The following POU6F2 variants were observed in gnomAD, a reference collection of about 807,000 sequenced individuals.
POU6F2 encodes the protein POU class 6 homeobox 2, also known as POU domain, class 6, transcription factor 2.
A neutral mutation model predicts 71.3 loss-of-function variants in POU6F2; 31 were observed. That is an observed-to-expected ratio of 0.43 (90% confidence interval 0.33 to 0.59). The LOEUF is 0.59. POU6F2 is among the 20% of genes least tolerant of loss of function. POU6F2 has a pLI of 0.04. For synonymous variants in POU6F2, 347 were observed against 355.7 expected, an observed-to-expected ratio of 0.98 and a Z score of 0.27; for missense variants, 783 against 856.8, an observed-to-expected ratio of 0.91 and a Z score of 1.07.
intron 1 of POU6F2, among the ~76,000 whole-genome samples, chr7:39,082,718 C>A (rs1287694049): frequency 6.6e-6 from 1 of 151,334 alleles, no homozygotes; most frequent in Non-Finnish European, 1.5e-5. Context: ...TCAAATGGAC[C>A]CCCCAGTGGC....
At chr7:39,276,951 T>G (rs1475804211) in intron 4 of POU6F2, among the ~76,000 whole-genome samples, 1 of 151,592 alleles carries the variant, frequency 6.6e-6, no homozygotes, top group African/African-American at 2.4e-5. Context: ...TACCTAATGC[T>G]AAATGACGAG....
chr7:39,322,312 A>G (rs571997044), intron 4 of POU6F2, among the ~76,000 whole-genome samples: 106 of 152,316 alleles, frequency 7.0e-4, no homozygotes, highest in Non-Finnish European at 1.4e-3. Context: ...CTCACTCAAC[A>G]GGGCAACGTG....
intron 1 of POU6F2, among the ~76,000 whole-genome samples, chr7:38,979,089 C>A (rs1048927723): frequency 3.3e-5 from 5 of 151,930 alleles, no homozygotes; most frequent in African/African-American, 1.2e-4. Context: ...TACATGGTTT[C>A]TTTTCTTTTT....
chr7:39,000,737 G>T (rs147534382), intron 1 of POU6F2, among the ~76,000 whole-genome samples: 1 of 152,142 alleles, frequency 6.6e-6, no homozygotes, highest in East Asian at 1.9e-4. Context: ...AAAGATCAGG[G>T]TCAACAGAGA....
intron 5 of POU6F2, among the ~76,000 whole-genome samples, chr7:39,388,296 C>T (rs1218296046): frequency 1.3e-5 from 2 of 150,810 alleles, no homozygotes; most frequent in Non-Finnish European, 2.9e-5. Context: ...TGTTGATATC[C>T]TTGTTTGATT....
chr7:39,190,731 A>G (rs1793646731), intron 2 of POU6F2, among the ~76,000 whole-genome samples: 1 of 143,984 alleles, frequency 6.9e-6, no homozygotes. Flanking sequence ...TCCAACTCCT[A>G]GGTTTAAGTG....
intron 1 of POU6F2, chr7:39,034,467 A>G (rs1350581010): frequency 4.6e-6 from 2 of 439,294 alleles, no homozygotes; most frequent in Non-Finnish European, 9.3e-6. Context: ...TTTATTACAT[A>G]TCTATGGAGA....
intron 4 of POU6F2, among the ~76,000 whole-genome samples, chr7:39,224,891 C>T (rs1297834953): frequency 2.0e-5 from 3 of 152,194 alleles, no homozygotes; most frequent in Non-Finnish European, 4.4e-5. Flanking sequence ...TCTCTGAAAC[C>T]TGGGACAGCC....
chr7:38,997,964 C>T (rs953751500), intron 1 of POU6F2, among the ~76,000 whole-genome samples: 1 of 152,144 alleles, frequency 6.6e-6, no homozygotes, highest in African/African-American at 2.4e-5. Flanking sequence ...AGTCCTGAGT[C>T]CTGTTCTCTG....
intron 8 of POU6F2, 148 bp downstream of exon 8, chr7:39,451,849 A>G: frequency 9.2e-7 from 1 of 1,085,690 alleles, no homozygotes; most frequent in Non-Finnish European, 1.3e-6. Context: ...CTAGGTCAAT[A>G]TTGAGATGAA....
intron 2 of POU6F2, among the ~76,000 whole-genome samples, chr7:39,190,594 G>A (rs1324791278): frequency 7.8e-6 from 1 of 128,344 alleles, no homozygotes; most frequent in Non-Finnish European, 1.7e-5. Flanking sequence ...AGGACTGGGT[G>A]TTTCTTTCCC....
chr7:39,107,966 A>G (rs1033788828), intron 2 of POU6F2, among the ~76,000 whole-genome samples: 1 of 152,240 alleles, frequency 6.6e-6, no homozygotes, highest in Admixed American at 6.5e-5. Context: ...GATAGAGTCC[A>G]TAGAGATCAG....
intron 4 of POU6F2, among the ~76,000 whole-genome samples, chr7:39,258,933 C>A (rs1784080247): frequency 6.6e-6 from 1 of 152,110 alleles, no homozygotes; most frequent in Non-Finnish European, 1.5e-5. Flanking sequence ...TACACTTCTC[C>A]CAGTATAACG....
chr7:39,460,745 T>C lies in POU6F2; in HGVS notation c.1658+30T>C. The C allele has an allele frequency of 6.5e-7, 1 of 1,541,830 alleles. No individual in the cohort carries two copies. The highest frequency in any genetic ancestry group is 8.7e-7 in the Non-Finnish European group (1 of 1,143,682). ...CGCGCGCCTGCATGCTGTCACCTCTTCTAGCCGCCCTGGGCCTCATTTGTC... is the reference window on the plus strand; with the variant it reads ...CGCGCGCCTGCATGCTGTCACCTCTCCTAGCCGCCCTGGGCCTCATTTGTC... On this transcript the variant is annotated intron_variant, in intron 9 of 9. Transcript: ENST00000518318. This position sits in a 1 kb window ranked among gnomAD's most constrained non-coding sequence, Gnocchi z 4.4.
intron 1 of POU6F2, among the ~76,000 whole-genome samples, chr7:39,017,813 C>CGTGTGTGTGTGTGTGT (rs70977447): frequency 9.5e-5 from 14 of 148,026 alleles, no homozygotes; most frequent in African/African-American, 2.5e-4. Flanking sequence ...ATTGTGCATG[C>CGTGTGTGTGTGTGTGT]GTGTGTGTGT....
intron 1 of POU6F2, among the ~76,000 whole-genome samples, chr7:38,995,001 C>CA (rs1788699517): frequency 6.6e-6 from 1 of 152,168 alleles, no homozygotes; most frequent in African/African-American, 2.4e-5. Context: ...AACATTTCCC[C>CA]AGAAGAAATC....
At chr7:39,451,104 T>C (rs1788649431) in intron 7 of POU6F2, among the ~76,000 whole-genome samples, 1 of 152,158 alleles carries the variant, frequency 6.6e-6, no homozygotes, top group Admixed American at 6.5e-5. Flanking sequence ...CCAGTTTACA[T>C]AGGATAAAAT....
intron 8 of POU6F2, among the ~76,000 whole-genome samples, chr7:39,455,693 C>G (rs187065712): frequency 1.3e-5 from 2 of 151,980 alleles, no homozygotes; most frequent in Non-Finnish European, 2.9e-5. Context: ...CACTGATGCC[C>G]GGGCTAAGAG....
At chr7:39,135,389 G>A (rs1339837730) in intron 2 of POU6F2, among the ~76,000 whole-genome samples, 1 of 152,098 alleles carries the variant, frequency 6.6e-6, no homozygotes, top group Admixed American at 6.6e-5. Flanking sequence ...CACATACAGA[G>A]GGCAATAACC....
Sources: allele counts gnomAD v4.1 joint callset (sites outside exome capture counted in the v4.1 genomes callset), GRCh38; gene constraint gnomAD v4.1.1; non-coding constraint Gnocchi (gnomAD v3.1); transcripts MANE v1.5; gene names NCBI Gene and HGNC (gene_info 2026-07-23, HGNC 2026-07-21).